CSMD1: variants seen among roughly 807,000 people sequenced by gnomAD.
CSMD1 encodes the protein CUB and sushi domain-containing protein 1.
Under a neutral mutation model 417.5 loss-of-function variants are expected in CSMD1, and 213 were observed. The observed-to-expected ratio is 0.51, with a 90% confidence interval of 0.46 to 0.57. CSMD1 has a LOEUF of 0.57. CSMD1 is among the 20% of genes least tolerant of loss of function. The pLI is 0.00. For synonymous variants in CSMD1, 2,862 were observed against 1,736.8 expected, an observed-to-expected ratio of 1.65 and a Z score of -16.11; for missense variants, 6,923 against 4,529.7, an observed-to-expected ratio of 1.53 and a Z score of -15.17.
At chr8:3,734,874 T>C (rs1266409098) in intron 6 of CSMD1, among the ~76,000 whole-genome samples, 1 of 152,178 alleles carries the variant, frequency 6.6e-6, no homozygotes, top group Admixed American at 6.5e-5. Context: ...GATGCTACAA[T>C]AGGGCTGTAC....
At position 4,947,862 on chromosome 8, in the gene CSMD1, T is replaced by C. The variant is rs1174504646; in HGVS notation, c.85+46470A>G. Among the ~76,000 whole-genome samples the C allele has an allele frequency of 4.6e-5, 7 of 152,156 alleles. No individual in the cohort carries two copies. The East Asian group carries it at 1.3e-3, about 29-fold the overall frequency. On this transcript the variant is annotated intron_variant, in intron 1 of 69. Transcript: ENST00000635120. ...TATTTATCCTCACTGCTATACAAAA[T>C]ATCATTTTGTGAACATATTGCAAGG...
At position 4,029,457 on chromosome 8, in the gene CSMD1, C is replaced by A. The variant is rs180897022; in HGVS notation, c.610+2448G>T. On this transcript the variant is annotated intron_variant, in intron 4 of 69. Transcript: ENST00000635120. ...ATGGATAGCAGCAGGCAAAGTCAGC[C>A]TGTGCAGAGAAACACCCATTTTTAA... is the stretch of plus-strand genomic sequence containing the variant. Among the ~76,000 whole-genome samples the A allele has an allele frequency of 2.3e-3, 349 of 152,258 alleles. 1 individual carries two copies. Among genetic ancestry groups the A allele is most frequent in the Non-Finnish European group, 3.7e-3 (250 of 68,022 alleles).
Position 3,597,138 on chromosome 8 carries a change from G to A in CSMD1, c.1098-10878C>T, listed in dbSNP as rs976762130. Among the ~76,000 whole-genome samples the A allele has an allele frequency of 2.0e-5, 3 of 152,148 alleles. No individual in the cohort carries two copies. In the East Asian group the frequency reaches 5.8e-4, roughly 29 times the overall value. On this transcript the variant is annotated intron_variant, in intron 8 of 69. Coordinates refer to ENST00000635120, the MANE Select transcript of CSMD1 (RefSeq NM_033225.6). ...TCTGGCTTCTTCAGCAGACATATGG[G>A]ATGCCCAAAATCAGAGGGAATCAAT...
Position 3,740,827 on chromosome 8 carries a change from A to G in CSMD1, c.931+13103T>C, listed in dbSNP as rs1366716800. Among the ~76,000 whole-genome samples the G allele has an allele frequency of 2.0e-5, 3 of 152,314 alleles. No individual in the cohort carries two copies. In the East Asian group the frequency reaches 5.8e-4, roughly 29 times the overall value. ...TCAGCTTAGGGAGGCTATGCAGGCA[A>G]CAGAGTGCCCAGTGGAGGAGAGTAT... is the stretch of plus-strand genomic sequence containing the variant. On this transcript the variant is annotated intron_variant, in intron 6 of 69. Coordinates refer to ENST00000635120, the MANE Select transcript of CSMD1 (RefSeq NM_033225.6).
intron 3 of CSMD1, among the ~76,000 whole-genome samples, chr8:4,249,104 C>T (rs913990613): frequency 3.3e-5 from 5 of 152,180 alleles, no homozygotes; most frequent in African/African-American, 1.2e-4. Flanking sequence ...ACAGACTTCT[C>T]AACCTTTCCC....
At chr8:3,373,387 G>A (rs1310254414) in intron 18 of CSMD1, 2 of 152,160 alleles carry the variant, frequency 1.3e-5, no homozygotes, top group African/African-American at 2.4e-5. Context: ...GCTGCTCTCA[G>A]GCTTGTTTAG....
intron 2 of CSMD1, among the ~76,000 whole-genome samples, chr8:4,442,004 G>C (rs940236367): frequency 1.3e-5 from 2 of 152,130 alleles, no homozygotes; most frequent in African/African-American, 2.4e-5. Context: ...GACTTGCCCT[G>C]AGTCATTTCT....
At chr8:3,927,411 G>A (rs1323139262) in intron 5 of CSMD1, among the ~76,000 whole-genome samples, 3 of 151,870 alleles carry the variant, frequency 2.0e-5, no homozygotes, top group East Asian at 3.9e-4. Context: ...TCCTACCTGT[G>A]GTCCCAACAC....
chr8:4,327,203 A>T (rs572901413), intron 3 of CSMD1, among the ~76,000 whole-genome samples: 1 of 152,364 alleles, frequency 6.6e-6, no homozygotes, highest in South Asian at 2.1e-4. Flanking sequence ...AACACATTAC[A>T]TATCTTTAAA....
At position 4,216,525 on chromosome 8, in the gene CSMD1, T is replaced by A. The variant is rs560763013; in HGVS notation, c.416-184426A>T. ...TGCTTATTCAGTACCCCCACGGGAC[T>A]AAGAATTCTCAAGATCAAAGAACCC... is the stretch of plus-strand genomic sequence containing the variant. On this transcript the variant is annotated intron_variant, in intron 3 of 69. Coordinates refer to ENST00000635120, the MANE Select transcript of CSMD1 (RefSeq NM_033225.6). Among the ~76,000 whole-genome samples, 9 of 152,294 alleles carry A rather than the reference T, an allele frequency of 5.9e-5. No individual in the cohort carries two copies. The South Asian group carries it at 1.9e-3, about 32-fold the overall frequency.
chr8:4,468,899 G>C (rs1476556398), intron 2 of CSMD1, among the ~76,000 whole-genome samples: 1 of 152,016 alleles, frequency 6.6e-6, no homozygotes, highest in Non-Finnish European at 1.5e-5. Flanking sequence ...GAATATTTTG[G>C]CTAATAGGAA....
At chr8:4,750,133 G>T (rs1399322374) in intron 1 of CSMD1, among the ~76,000 whole-genome samples, 2 of 152,142 alleles carry the variant, frequency 1.3e-5, no homozygotes, top group African/African-American at 4.8e-5. Context: ...AGCCTCCCGA[G>T]TAGCTGGGAC....
intron 3 of CSMD1, among the ~76,000 whole-genome samples, chr8:4,156,389 G>T (rs1161305197): frequency 2.6e-5 from 4 of 152,158 alleles, no homozygotes; most frequent in Admixed American, 2.6e-4. Flanking sequence ...CCAATGGCAA[G>T]TCCATAAAAT....
chr8:3,077,695 G>A (rs140895834), intron 49 of CSMD1, among the ~76,000 whole-genome samples: 111 of 152,308 alleles, frequency 7.3e-4, no homozygotes, highest in African/African-American at 2.4e-3. Flanking sequence ...CTGCAGCCCC[G>A]ACCCCGGCTT....
At chr8:3,610,663 A>C (rs140502902) in intron 8 of CSMD1, among the ~76,000 whole-genome samples, 479 of 152,320 alleles carry the variant, frequency 3.1e-3, no homozygotes, top group Non-Finnish European at 5.3e-3. Context: ...TTTTTCTTGT[A>C]ACATAGCAAA....
At chr8:3,287,204 G>T (rs1262379809) in intron 25 of CSMD1, among the ~76,000 whole-genome samples, 1 of 130,506 alleles carries the variant, frequency 7.7e-6, no homozygotes, top group African/African-American at 2.8e-5. Context: ...GGTTACTGTA[G>T]CCTTGTAGTA....
intron 2 of CSMD1, among the ~76,000 whole-genome samples, chr8:4,532,113 C>T (rs1186253280): frequency 7.0e-6 from 1 of 143,466 alleles, no homozygotes; most frequent in Non-Finnish European, 1.5e-5. Context: ...CACCGCCATT[C>T]ACAGTCACTC....
At chr8:4,215,534 G>C (rs1054102054) in intron 3 of CSMD1, among the ~76,000 whole-genome samples, 3 of 151,446 alleles carry the variant, frequency 2.0e-5, no homozygotes, top group Non-Finnish European at 2.9e-5. Flanking sequence ...CAGAGACCAG[G>C]ATCCTTTACA....
At position 2,938,583 on chromosome 8, in the gene CSMD1, G is replaced by A. The variant is rs766182595; in HGVS notation, c.*2C>T. On this transcript the variant is annotated 3_prime_UTR_variant, in exon 70 of 70. Transcript: ENST00000635120. ...GAATCAGTCCTGTTGGGGCACTGAGGGCTATACCACTGTACAGACTGTGTT... is the reference window on the plus strand; with the variant it reads ...GAATCAGTCCTGTTGGGGCACTGAGAGCTATACCACTGTACAGACTGTGTT... 6.2e-6 allele frequency: 10 copies of A among 1,610,616 alleles called. No individual in the cohort carries two copies. The highest frequency in any genetic ancestry group is 8.5e-6 in the Non-Finnish European group (10 of 1,178,436).
Sources: allele counts gnomAD v4.1 joint callset (sites outside exome capture counted in the v4.1 genomes callset), GRCh38; gene constraint gnomAD v4.1.1; transcripts MANE v1.5; gene names NCBI Gene and HGNC (gene_info 2026-07-23, HGNC 2026-07-21).